The following FNBP1 variants were observed in gnomAD, a reference collection of about 807,000 sequenced individuals.
FNBP1 encodes the protein formin-binding protein 1.
In FNBP1, 26 loss-of-function variants were observed where a neutral mutation model predicts 90.6. The observed-to-expected ratio is 0.29, with a 90% CI of 0.21 to 0.40. The LOEUF (loss-of-function observed/expected upper bound fraction) is 0.40, where lower values mean the gene tolerates loss of function less well. Among genes scored for constraint, FNBP1 ranks in the 10% least tolerant of loss-of-function variants. The probability of loss-of-function intolerance (pLI) is 1.00; values close to 1 mark genes in which losing one functional copy is unlikely to be tolerated. For missense variants in FNBP1, 635 were observed against 768.0 expected (o/e 0.83, Z 2.05); for synonymous variants, 260 against 265.2 (o/e 0.98, Z 0.19).
chr9:130,024,232 A>C (rs2058124365), intron 1 of FNBP1, among the ~76,000 whole-genome samples: 1 of 151,866 alleles, frequency 6.6e-6, no homozygotes, highest in Non-Finnish European at 1.5e-5. Flanking sequence ...CAACATAGTG[A>C]GATCCTATCT....
chr9:130,016,152 G>C (rs1310905708), intron 1 of FNBP1, among the ~76,000 whole-genome samples: 1 of 151,910 alleles, frequency 6.6e-6, no homozygotes, highest in African/African-American at 2.4e-5. Context: ...ATATATTATT[G>C]TTACAGACTG....
chr9:130,008,846 C>T (rs2056168040), intron 1 of FNBP1, among the ~76,000 whole-genome samples: 1 of 152,136 alleles, frequency 6.6e-6, no homozygotes, highest in African/African-American at 2.4e-5. Flanking sequence ...CCACACTAGT[C>T]TCCATAGGTG....
At chr9:129,911,104 T>C (rs375191772) in intron 11 of FNBP1, among the ~76,000 whole-genome samples, 2 of 152,332 alleles carry the variant, frequency 1.3e-5, no homozygotes, top group Middle Eastern at 3.4e-3. Context: ...TCAGGCGATC[T>C]GCCCACCTCG....
chr9:129,924,816 T>C (rs2041635436), intron 9 of FNBP1, 144 bp downstream of exon 9: 21 of 713,720 alleles, frequency 2.9e-5, no homozygotes, highest in Non-Finnish European at 4.6e-5. Flanking sequence ...CAAAAAGAAA[T>C]ACTGTCTCAA....
intron 1 of FNBP1, among the ~76,000 whole-genome samples, chr9:130,011,720 A>C (rs555310892): frequency 6.6e-6 from 1 of 152,204 alleles, no homozygotes. Flanking sequence ...ATCCACTCTC[A>C]GGTATTTTGT....
intron 1 of FNBP1, among the ~76,000 whole-genome samples, chr9:130,011,167 G>C (rs376922841): frequency 3.2e-5 from 4 of 125,624 alleles, no homozygotes; most frequent in South Asian, 5.5e-4. Context: ...AGTGAGCTGA[G>C]ATGGTGCCAT....
At chr9:130,033,846 CAAAAAA>C (rs36040639) in intron 1 of FNBP1, among the ~76,000 whole-genome samples, 15 of 103,674 alleles carry the variant, frequency 1.4e-4, no homozygotes, top group East Asian at 5.7e-4. Context: ...ACTAAAAATA[CAAAAAA>C]AAAAAAAAAA....
chr9:129,973,601 C>T (rs981117612), intron 4 of FNBP1, among the ~76,000 whole-genome samples: 9 of 148,930 alleles, frequency 6.0e-5, no homozygotes, highest in East Asian at 2.0e-4. Flanking sequence ...CCTGGGTTCA[C>T]GCCATTCTCC....
intron 10 of FNBP1, 173 bp from the exon 11 acceptor site, chr9:129,916,153 A>G (rs2040228144): frequency 3.4e-6 from 2 of 594,652 alleles, no homozygotes; most frequent in Non-Finnish European, 6.0e-6. Context: ...GATCTGTGCA[A>G]AAGTTCACAA....
chr9:130,038,555 C>G (rs2132358647), intron 1 of FNBP1, among the ~76,000 whole-genome samples: 1 of 151,878 alleles, frequency 6.6e-6, no homozygotes, highest in Admixed American at 6.5e-5. Context: ...GACCACCACG[C>G]CCGGCTAATT....
chr9:130,036,458 A>G (rs1238409666), intron 1 of FNBP1, among the ~76,000 whole-genome samples: 1 of 152,224 alleles, frequency 6.6e-6, no homozygotes, highest in Non-Finnish European at 1.5e-5. Flanking sequence ...ATGGCAATTT[A>G]CACAAATTTT....
intron 4 of FNBP1, among the ~76,000 whole-genome samples, chr9:129,960,383 C>CAAAAAA (rs10715833): frequency 1.1e-3 from 87 of 80,322 alleles, no homozygotes; most frequent in African/African-American, 1.5e-3. Flanking sequence ...GACTCCATCT[C>CAAAAAA]AAAAAAAAAA....
chr9:129,948,119 G>A (rs956358265), intron 6 of FNBP1, among the ~76,000 whole-genome samples: 20 of 151,370 alleles, frequency 1.3e-4, no homozygotes, highest in African/African-American at 3.1e-4. Flanking sequence ...GGGAGACCCC[G>A]TCTCTACGCT....
At chr9:129,892,756 C>T (rs979455128) in intron 16 of FNBP1, among the ~76,000 whole-genome samples, 2 of 152,080 alleles carry the variant, frequency 1.3e-5, no homozygotes, top group African/African-American at 2.4e-5. Flanking sequence ...TGCATTGATG[C>T]GATGGACCTG....
At chr9:130,021,676 G>C (rs951268436) in intron 1 of FNBP1, among the ~76,000 whole-genome samples, 2 of 151,938 alleles carry the variant, frequency 1.3e-5, no homozygotes, top group African/African-American at 4.8e-5. Flanking sequence ...AATCATTAAG[G>C]AGACTTCAAA....
At chr9:129,902,239 A>G (rs117411055) in intron 13 of FNBP1, among the ~76,000 whole-genome samples, 2,208 of 152,166 alleles carry the variant, frequency 0.015, 27 homozygotes, top group Non-Finnish European at 0.023. Context: ...GGGATAACGG[A>G]TCGCTCTATA....
intron 6 of FNBP1, among the ~76,000 whole-genome samples, chr9:129,933,080 G>A (rs1259942534): frequency 6.6e-6 from 1 of 152,072 alleles, no homozygotes; most frequent in Non-Finnish European, 1.5e-5. Context: ...CATCTCTTCT[G>A]TAAAGAACAG....
At chr9:129,960,787 C>T (rs763450798) in intron 4 of FNBP1, among the ~76,000 whole-genome samples, 8 of 152,016 alleles carry the variant, frequency 5.3e-5, no homozygotes, top group Admixed American at 4.6e-4. Flanking sequence ...TTGTAGGTAG[C>T]GAGCAGTGCA....
the FNBP1 span, among the ~76,000 whole-genome samples, chr9:130,048,713 C>T: frequency 3.3e-5 from 5 of 149,996 alleles, no homozygotes; most frequent in African/African-American, 9.9e-5. Context: ...CTCCTGACCT[C>T]GTGATCCACC....
Sources: allele counts gnomAD v4.1 joint callset (sites outside exome capture counted in the v4.1 genomes callset), GRCh38; gene constraint gnomAD v4.1.1; transcripts MANE v1.5; gene names NCBI Gene and HGNC (gene_info 2026-07-23, HGNC 2026-07-21).